Variants in JMY observed in about 807,000 individuals in gnomAD.
JMY encodes the protein junction mediating and regulatory protein, p53 cofactor.
JMY carries 46 observed loss-of-function variants against 103.3 expected under a neutral mutation model. That is an observed-to-expected ratio of 0.45 (90% confidence interval 0.35 to 0.57). The LOEUF is 0.57. JMY is among the 20% of genes least tolerant of loss of function. The probability of loss-of-function intolerance (pLI) is 0.00; values close to 1 mark genes in which losing one functional copy is unlikely to be tolerated. For synonymous variants in JMY, 526 were observed against 489.3 expected, an observed-to-expected ratio of 1.07 and a Z score of -0.99; for missense variants, 1,238 against 1,255.2, an observed-to-expected ratio of 0.99 and a Z score of 0.21.
Position 79,314,661 on chromosome 5 carries a change from A to G in JMY, c.2469A>G (p.Pro823=). ...PPPPPPPPPP[P]PPLPVAKDSG... The stretch of plus-strand genomic sequence containing the variant: ...CACCTCCTCCCCCTCCCCCACCACC[A>G]CCACCTCTGCCTGTTGCTAAGGACA... The change falls in exon 9 of 11, where the codon CCA becomes CCG. Residue 823 remains proline (P), a synonymous_variant. Coordinates refer to ENST00000396137, the MANE Select transcript of JMY (RefSeq NM_152405.5). 1 of 708,804 alleles carries G rather than the reference A, an allele frequency of 1.4e-6. No individual in the cohort carries two copies. Among genetic ancestry groups the G allele is most frequent in the Non-Finnish European group, 2.1e-6 (1 of 486,276 alleles). 43.9% of individuals were successfully genotyped at this position (708,804 alleles called of 1,614,324 possible).
intron 2 of JMY, among the ~76,000 whole-genome samples, chr5:79,288,310 C>G (rs1746325954): frequency 6.6e-6 from 1 of 152,174 alleles, no homozygotes; most frequent in African/African-American, 2.4e-5. Context: ...TAGGCTTTTG[C>G]TCAGATTGCT....
rs1229015366 is a variant in JMY at position 79,325,152 on chromosome 5, TAC to T, written c.*3552_*3553del. On this transcript the variant is annotated 3_prime_UTR_variant, in exon 11 of 11. Coordinates refer to ENST00000396137, the MANE Select transcript of JMY (RefSeq NM_152405.5). The stretch of plus-strand genomic sequence containing the variant: ...ATTCCCTAAGACACCATTTTTAAGT[TAC>T]AGTCACATGAGTGTTTGTATAAATT... The T allele has an allele frequency of 6.6e-6, 1 of 152,512 alleles. No homozygotes were observed. Among genetic ancestry groups the T allele is most frequent in the African/African-American group, 2.4e-5 (1 of 41,476 alleles). The allele number at this position is 152,512 out of a possible 1,614,324, so 9.4% of individuals were successfully genotyped here.
At chr5:79,272,747 C>T (rs1472469954) in intron 1 of JMY, among the ~76,000 whole-genome samples, 1 of 152,150 alleles carries the variant, frequency 6.6e-6, no homozygotes, top group Non-Finnish European at 1.5e-5. Context: ...GATTCTCGTG[C>T]CTCAGCTTCC....
chr5:79,279,721 G>A (rs1746053912), intron 2 of JMY, among the ~76,000 whole-genome samples: 1 of 152,154 alleles, frequency 6.6e-6, no homozygotes, highest in African/African-American at 2.4e-5. Context: ...TAGCTGTGCT[G>A]TCAGCTTTTT....
At position 79,300,874 on chromosome 5, in the gene JMY, A is replaced by T; in HGVS notation, c.1881+11A>T. ...CTCAGAAATAAAAAGGTATTTAAAT[A>T]TTGCTTTTGTTCATTATTTAGTCTT... On this transcript the variant is annotated intron_variant, in intron 6 of 10. Coordinates refer to ENST00000396137, the MANE Select transcript of JMY (RefSeq NM_152405.5). 6.3e-7 allele frequency: 1 copy of T among 1,576,122 alleles called. No individual in the cohort carries two copies. The highest frequency in any genetic ancestry group is 8.6e-7 in the Non-Finnish European group (1 of 1,163,462).
intron 1 of JMY, among the ~76,000 whole-genome samples, chr5:79,263,486 C>G (rs1205545886): frequency 6.6e-6 from 1 of 152,082 alleles, no homozygotes; most frequent in Non-Finnish European, 1.5e-5. Context: ...CTCCATCTCC[C>G]GGGCTCAAGT....
chr5:79,312,064 G>A (rs1171117081), intron 7 of JMY, among the ~76,000 whole-genome samples: 1 of 152,084 alleles, frequency 6.6e-6, no homozygotes, highest in Non-Finnish European at 1.5e-5. Flanking sequence ...TGATCCACCC[G>A]CCTCAGCCTC....
chr5:79,271,051 T>C (rs1745769206), intron 1 of JMY, among the ~76,000 whole-genome samples: 1 of 152,058 alleles, frequency 6.6e-6, no homozygotes, highest in South Asian at 2.1e-4. Flanking sequence ...TTTGTGTCTG[T>C]GCTAATGGGA....
intron 1 of JMY, among the ~76,000 whole-genome samples, chr5:79,263,484 C>T (rs1269681296): frequency 2.0e-5 from 3 of 152,148 alleles, no homozygotes; most frequent in East Asian, 3.9e-4. Flanking sequence ...ACCTCCATCT[C>T]CCGGGCTCAA....
At chr5:79,319,378 C>G (rs1036622681) in intron 10 of JMY, among the ~76,000 whole-genome samples, 1 of 152,050 alleles carries the variant, frequency 6.6e-6, no homozygotes, top group African/African-American at 2.4e-5. Context: ...TTGCAGTCTC[C>G]CTTTACTAAA....
intron 1 of JMY, among the ~76,000 whole-genome samples, chr5:79,253,449 A>G (rs1263455472): frequency 6.6e-6 from 1 of 151,912 alleles, no homozygotes; most frequent in Non-Finnish European, 1.5e-5. Context: ...TCCGCCACCA[A>G]GCCCAGCTGG....
rs568953443 is a variant in JMY at position 79,236,145 on chromosome 5, A to G, written c.-506A>G. On this transcript the variant is annotated 5_prime_UTR_variant, in exon 1 of 11. Coordinates refer to ENST00000396137, the MANE Select transcript of JMY (RefSeq NM_152405.5). ...CCGACGTCAGCAGTCGAATGGCAAC[A>G]TTGTGGCGATGCTGAGGCGCAGAGT... 3 of 150,186 alleles carry G rather than the reference A, an allele frequency of 2.0e-5. No individual in the cohort carries two copies. Among genetic ancestry groups the G allele is most frequent in the African/African-American group, 7.3e-5 (3 of 41,058 alleles). 9.3% of individuals were successfully genotyped at this position (150,186 alleles called of 1,614,324 possible).
At chr5:79,253,292 A>G (rs1264714992) in intron 1 of JMY, among the ~76,000 whole-genome samples, 1 of 150,824 alleles carries the variant, frequency 6.6e-6, no homozygotes, top group Admixed American at 6.6e-5. Context: ...TTGGTTCATC[A>G]TTTAATCTTT....
In JMY at chr5:79,237,236, C is replaced by T. The variant is rs1256877989; in HGVS notation, c.586C>T (p.Leu196=). The change falls in exon 1 of 11, where the codon CTG becomes TTG. Residue 196 remains leucine (L), a synonymous_variant. Transcript: ENST00000396137. ...SGTVSEEIEV[L]EMVKEDEAPL... is the part of the protein sequence containing the mutation. Reference sequence around the variant, plus strand: ...GACGGTCTCCGAGGAGATAGAGGTGCTGGAAATGGTGAAGGAGGACGAGGC... The same window carrying T: ...GACGGTCTCCGAGGAGATAGAGGTGTTGGAAATGGTGAAGGAGGACGAGGC... The T allele has an allele frequency of 4.5e-6, 7 of 1,550,562 alleles. No homozygotes were observed. The Admixed American group carries it at 1.4e-4, about 30-fold the overall frequency.
chr5:79,288,106 T>C (rs1171205432), intron 2 of JMY, among the ~76,000 whole-genome samples: 3 of 152,240 alleles, frequency 2.0e-5, no homozygotes, highest in African/African-American at 7.2e-5. Flanking sequence ...ATATGTCACT[T>C]AGTGCATAGA....
chr5:79,312,647 G>T, intron 8 of JMY, 149 bp downstream of exon 8: 5 of 415,604 alleles, frequency 1.2e-5, no homozygotes. Context: ...TTTTAAAATT[G>T]TTTTAATGGC....
intron 1 of JMY, among the ~76,000 whole-genome samples, chr5:79,241,956 C>G (rs1036309150): frequency 6.6e-6 from 1 of 152,078 alleles, no homozygotes; most frequent in African/African-American, 2.4e-5. Flanking sequence ...CATACTGCAG[C>G]TTAGGTTTGA....
chr5:79,238,549 A>G (rs1360868694), intron 1 of JMY, among the ~76,000 whole-genome samples: 1 of 152,126 alleles, frequency 6.6e-6, no homozygotes, highest in East Asian at 1.9e-4. Context: ...GTTTTCCCTA[A>G]TGGATACTAC....
chr5:79,283,786 A>C (rs895105302), intron 2 of JMY, among the ~76,000 whole-genome samples: 3 of 152,218 alleles, frequency 2.0e-5, no homozygotes, highest in Non-Finnish European at 4.4e-5. Context: ...ATACACACTT[A>C]AGTTTGAGAA....
Sources: gnomAD v4.1 joint callset for allele counts (sites outside exome capture counted in the v4.1 genomes callset) on GRCh38, gnomAD v4.1.1 for gene constraint, MANE v1.5 for transcripts, NCBI Gene and HGNC (gene_info 2026-07-23, HGNC 2026-07-21) for gene names.